CCNY: variants seen among roughly 807,000 people sequenced by gnomAD.
The protein encoded by CCNY is cyclin Y, also known as cyclin-Y.
Under a neutral mutation model 42.8 loss-of-function variants are expected in CCNY, and 19 were observed. The observed-to-expected ratio is 0.44, with a 90% CI of 0.31 to 0.65. The LOEUF (loss-of-function observed/expected upper bound fraction) is 0.65, where lower values mean the gene tolerates loss of function less well. Ranked by LOEUF, CCNY falls within the 30% of genes least tolerant of loss-of-function variation. The pLI is 0.07. For synonymous variants in CCNY, 165 were observed against 162.7 expected (o/e 1.01, Z -0.11); for missense variants, 370 against 437.3 (o/e 0.85, Z 1.37).
intron 1 of CCNY, among the ~76,000 whole-genome samples, chr10:35,435,942 G>A (rs1056642239): frequency 6.6e-6 from 1 of 152,186 alleles, no homozygotes; most frequent in African/African-American, 2.4e-5. Flanking sequence ...TTCGGAAGGA[G>A]GAAGTTAATT....
At chr10:35,553,377 G>A (rs1841299977) in intron 8 of CCNY, among the ~76,000 whole-genome samples, 192 bp downstream of exon 8, 1 of 152,170 alleles carries the variant, frequency 6.6e-6, no homozygotes, top group Non-Finnish European at 1.5e-5. Flanking sequence ...TCATCATGTG[G>A]ATCTTGAACA....
At position 35,258,543 on chromosome 10, in the gene CCNY, A is replaced by G. The variant is rs189671391; in HGVS notation, c.-9+7917A>G. Reference sequence around the variant, plus strand: ...CCACCTGCTTCTTTTTGCCTCTGTAATCAAAAGCAGCAACCAGTGATTCTG... The same window carrying G: ...CCACCTGCTTCTTTTTGCCTCTGTAGTCAAAAGCAGCAACCAGTGATTCTG... On this transcript the variant is annotated intron_variant, in intron 3 of 11. Coordinates refer to the CCNY transcript ENST00000374706. Among the ~76,000 whole-genome samples, 183 of 152,306 alleles carry G rather than the reference A, an allele frequency of 1.2e-3. 2 individuals carry two copies. Among genetic ancestry groups the G allele is most frequent in the African/African-American group, 4.3e-3 (180 of 41,574 alleles).
chr10:35,465,163 TTCATTATTCAGCTTA>T (rs1396277559), intron 1 of CCNY, among the ~76,000 whole-genome samples: 1 of 152,216 alleles, frequency 6.6e-6, no homozygotes, highest in Non-Finnish European at 1.5e-5. Flanking sequence ...TTATGTTCCT[TTCATTATTCAGCTTA>T]TTTGTTAATG....
chr10:35,517,347 A>G (rs908235557), intron 4 of CCNY, among the ~76,000 whole-genome samples: 3 of 152,216 alleles, frequency 2.0e-5, no homozygotes, highest in Non-Finnish European at 4.4e-5. Flanking sequence ...GGCAAGTACT[A>G]TAGAGAACCT....
intron 8 of CCNY, among the ~76,000 whole-genome samples, chr10:35,562,172 T>C (rs1841479634): frequency 6.6e-6 from 1 of 152,254 alleles, no homozygotes; most frequent in Non-Finnish European, 1.5e-5. Context: ...GTCATTTTCA[T>C]GTGTAGACAA....
chr10:35,307,760 ATGTGTG>A (rs60407989), intron 3 of CCNY, among the ~76,000 whole-genome samples: 2,694 of 116,114 alleles, frequency 0.023, 102 homozygotes, highest in African/African-American at 0.066. Context: ...ATGTGTATAT[ATGTGTG>A]TGTGTGTGTG....
At chr10:35,541,313 A>T (rs1238871008) in intron 7 of CCNY, among the ~76,000 whole-genome samples, 1 of 152,180 alleles carries the variant, frequency 6.6e-6, no homozygotes, top group Non-Finnish European at 1.5e-5. Context: ...TTTAACATCT[A>T]TAATATTATA....
At chr10:35,335,983 C>G (rs1282472892), upstream of CCNY, 1 of 152,640 alleles carries the variant, frequency 6.6e-6, no homozygotes, top group Non-Finnish European at 1.5e-5. Context: ...GAGGCTGAGG[C>G]GGGAGAATCG....
In CCNY at chr10:35,372,133, G is replaced by T. The variant is rs140041036; in HGVS notation, c.154+34926G>T. Among the ~76,000 whole-genome samples the T allele has an allele frequency of 3.0e-3, 452 of 152,272 alleles. 1 individual carries two copies. Among genetic ancestry groups the T allele is most frequent in the Middle Eastern group, 6.8e-3 (2 of 294 alleles). On this transcript the variant is annotated intron_variant, in intron 1 of 9. Transcript: ENST00000374704. ...TGAAGGCTCAGAGGATGAAGCCCAG[G>T]TTAGAGGGAGAGATTCAAAATAATG...
chr10:35,528,858 G>A (rs111764063), intron 5 of CCNY, among the ~76,000 whole-genome samples: 1,581 of 152,328 alleles, frequency 0.01, 23 homozygotes, highest in African/African-American at 0.036. Context: ...GTCATGATAA[G>A]TGTGTGTTAG....
At chr10:35,355,963 T>C (rs1307436354) in intron 1 of CCNY, among the ~76,000 whole-genome samples, 6 of 152,278 alleles carry the variant, frequency 3.9e-5, no homozygotes, top group African/African-American at 1.4e-4. Flanking sequence ...CCATTTTTTG[T>C]TCTAAAACTG....
intron 3 of CCNY, among the ~76,000 whole-genome samples, chr10:35,266,852 G>A (rs1227808625): frequency 6.6e-6 from 1 of 152,066 alleles, no homozygotes; most frequent in African/African-American, 2.4e-5. Context: ...GGAAGGCCGA[G>A]GCAGGTGGAT....
chr10:35,457,176 T>C (rs564374070), intron 1 of CCNY, among the ~76,000 whole-genome samples: 1 of 152,380 alleles, frequency 6.6e-6, no homozygotes, highest in African/African-American at 2.4e-5. Flanking sequence ...AGTTTCTTCA[T>C]GTGCTTTCTC....
intron 1 of CCNY, among the ~76,000 whole-genome samples, chr10:35,380,305 G>A (rs976933432): frequency 6.6e-6 from 1 of 152,198 alleles, no homozygotes; most frequent in African/African-American, 2.4e-5. Flanking sequence ...TACTTGAGGA[G>A]GTGACTGGTG....
At chr10:35,272,881 A>G (rs1278325650) in intron 3 of CCNY, among the ~76,000 whole-genome samples, 1 of 151,028 alleles carries the variant, frequency 6.6e-6, no homozygotes, top group Non-Finnish European at 1.5e-5. Context: ...TTACACTCCC[A>G]CCAACATTGT....
intron 1 of CCNY, among the ~76,000 whole-genome samples, chr10:35,363,035 G>GGCC (rs932192295): frequency 2.7e-5 from 4 of 145,986 alleles, no homozygotes; most frequent in Non-Finnish European, 3.0e-5. Flanking sequence ...GGCCGCCGGC[G>GGCC]GCCGGGCGGA....
chr10:35,356,443 C>T lies in CCNY; in HGVS notation c.154+19236C>T, dbSNP rs78248049. On this transcript the variant is annotated intron_variant, in intron 1 of 9. Coordinates refer to ENST00000374704, the MANE Select transcript of CCNY (RefSeq NM_145012.6). ...CATGGTAAACAGCTCTGTTCCCAGC[C>T]CCCAATTCTCCATGACTCCGCGTGG... 5.0e-4 allele frequency among the ~76,000 whole-genome samples: 76 copies of T among 152,264 alleles called. 2 individuals carry two copies. The East Asian group carries it at 0.011, about 22-fold the overall frequency.
At chr10:35,358,683 C>T (rs1836614953) in intron 1 of CCNY, among the ~76,000 whole-genome samples, 2 of 152,108 alleles carry the variant, frequency 1.3e-5, no homozygotes. Flanking sequence ...TGGTTAATTA[C>T]TTATAGAGAC....
rs953248690 is a variant in CCNY at position 35,553,863 on chromosome 10, G to A, written c.746+678G>A. ...GAGGATTATTAGTAGGACACCTGCA[G>A]ACTGTTGTCTGGGGGGTCTCTAGGG... On this transcript the variant is annotated intron_variant, in intron 8 of 9. Coordinates refer to ENST00000374704, the MANE Select transcript of CCNY (RefSeq NM_145012.6). Among the ~76,000 whole-genome samples, 4 of 152,168 alleles carry A rather than the reference G, an allele frequency of 2.6e-5. No individual in the cohort carries two copies. The East Asian group carries it at 7.7e-4, about 29-fold the overall frequency.
Sources: gnomAD v4.1 joint callset for allele counts (sites outside exome capture counted in the v4.1 genomes callset) on GRCh38, gnomAD v4.1.1 for gene constraint, MANE v1.5 for transcripts, NCBI Gene and HGNC (gene_info 2026-07-23, HGNC 2026-07-21) for gene names.